SLC31A1: variants seen among roughly 807,000 people sequenced by gnomAD.
SLC31A1 encodes the protein solute carrier family 31 member 1.
In SLC31A1, 5 loss-of-function variants were observed where a neutral mutation model predicts 17.2. The observed-to-expected ratio is 0.29, with a 90% CI of 0.15 to 0.61. The LOEUF is 0.61. SLC31A1 is among the 20% of genes least tolerant of loss of function. The pLI is 0.86. For synonymous variants in SLC31A1, 76 were observed against 78.8 expected (o/e 0.96, Z 0.19); for missense variants, 161 against 241.4 (o/e 0.67, Z 2.21).
At chr9:113,255,080 A>G (rs747014118) in intron 1 of SLC31A1, among the ~76,000 whole-genome samples, 4 of 152,302 alleles carry the variant, frequency 2.6e-5, no homozygotes, top group Middle Eastern at 3.4e-3. Flanking sequence ...ATGTCCTGGT[A>G]GGATTGAAAT....
chr9:113,232,943 G>T (rs1289219576), intron 1 of SLC31A1, among the ~76,000 whole-genome samples: 2 of 152,168 alleles, frequency 1.3e-5, no homozygotes, highest in Non-Finnish European at 2.9e-5. Context: ...ACCATATATA[G>T]AGAGAACAGT....
intron 1 of SLC31A1, among the ~76,000 whole-genome samples, chr9:113,253,958 C>CTTTTTTTTTT (rs397967653): frequency 6.3e-5 from 7 of 110,402 alleles, no homozygotes; most frequent in African/African-American, 1.8e-4. Flanking sequence ...TACCCACAGT[C>CTTTTTTTTTT]TTTTTTTTTT....
chr9:113,260,578 C>G lies in SLC31A1; in HGVS notation c.*105C>G. The stretch of plus-strand genomic sequence containing the variant: ...ATCCCTTCTTGCTCCTCTTTGTGCA[C>G]GTACACACACACACACACACACACA... On this transcript the variant is annotated 3_prime_UTR_variant, in exon 5 of 5. Transcript: ENST00000374212. 1.3e-6 allele frequency: 1 copy of G among 748,084 alleles called. No individual in the cohort carries two copies. Among genetic ancestry groups the G allele is most frequent in the Non-Finnish European group, 2.3e-6 (1 of 443,102 alleles). The allele number at this position is 748,084 out of a possible 1,614,324, so 46.3% of individuals were successfully genotyped here. A position where few individuals can be genotyped will look rare whatever the true frequency, so the allele number is the denominator to read the frequency against.
chr9:113,252,855 A>T (rs748244463), intron 1 of SLC31A1, among the ~76,000 whole-genome samples: 23 of 151,742 alleles, frequency 1.5e-4, no homozygotes, highest in Non-Finnish European at 2.8e-4. Context: ...TCAGACTCTC[A>T]TTGGAAGAGA....
rs1045306779 is a variant in SLC31A1, at chr9:113,228,859, C to G, written c.-36+7181C>G. ...TGGATTTGATGATACTTTTTTTTTT[C>G]TTTTGAGTTGGAGTTTCGCTCTTGT... On this transcript the variant is annotated intron_variant, in intron 1 of 4. Coordinates refer to ENST00000374212, the MANE Select transcript of SLC31A1 (RefSeq NM_001859.4). Among the ~76,000 whole-genome samples, 6 of 149,684 alleles carry G rather than the reference C, an allele frequency of 4.0e-5. No homozygotes were observed. In the East Asian group the frequency reaches 1.2e-3, roughly 29 times the overall value.
intron 1 of SLC31A1, chr9:113,223,320 G>A (rs1831306478): frequency 5.3e-6 from 2 of 374,086 alleles, no homozygotes; most frequent in African/African-American, 2.4e-5. Flanking sequence ...GCAGGACTGG[G>A]TGCACCTAAA....
intron 1 of SLC31A1, among the ~76,000 whole-genome samples, chr9:113,224,553 C>T (rs574915485): frequency 8.5e-5 from 13 of 152,092 alleles, no homozygotes; most frequent in Admixed American, 2.0e-4. Context: ...CTCACCCTCC[C>T]GAGTAGCTGG....
At chr9:113,231,636 G>A (rs1206091130) in intron 1 of SLC31A1, among the ~76,000 whole-genome samples, 3 of 151,962 alleles carry the variant, frequency 2.0e-5, no homozygotes, top group Admixed American at 2.0e-4. Context: ...GGCACACCTG[G>A]TAGGAACAGC....
chr9:113,222,017 C>T (rs1200351845), intron 1 of SLC31A1, among the ~76,000 whole-genome samples: 1 of 152,062 alleles, frequency 6.6e-6, no homozygotes, highest in Non-Finnish European at 1.5e-5. Flanking sequence ...GATAGGGAGA[C>T]GAAGGAACTA....
Position 113,243,288 on chromosome 9 carries a change from T to G in SLC31A1, c.-35-12826T>G, listed in dbSNP as rs567003588. Among the ~76,000 whole-genome samples the G allele has an allele frequency of 7.9e-5, 12 of 152,360 alleles. No individual in the cohort carries two copies. The East Asian group carries it at 2.3e-3, about 29-fold the overall frequency. ...AATTACATGGTCCATTCATGTTTAC[T>G]CAGAAGACATAGGTGACCTAGGGAT... On this transcript the variant is annotated intron_variant, in intron 1 of 4. Transcript: ENST00000374212.
chr9:113,255,785 C>A (rs1831720192), intron 1 of SLC31A1: 1 of 172,100 alleles, frequency 5.8e-6, no homozygotes, highest in African/African-American at 2.4e-5. Context: ...AGCACGAGTT[C>A]TTTCTCTCTC....
At chr9:113,251,422 A>G (rs1831651299) in intron 1 of SLC31A1, among the ~76,000 whole-genome samples, 1 of 132,978 alleles carries the variant, frequency 7.5e-6, no homozygotes, top group Admixed American at 7.5e-5. Context: ...ACTCTATCTA[A>G]AAAAATAAAA....
intron 1 of SLC31A1, among the ~76,000 whole-genome samples, chr9:113,238,032 G>T (rs1831482063): frequency 1.3e-5 from 2 of 152,062 alleles, no homozygotes; most frequent in South Asian, 4.1e-4. Flanking sequence ...TTACATATAT[G>T]GTCTTTTCTC....
chr9:113,239,051 T>A (rs1474241541), intron 1 of SLC31A1, among the ~76,000 whole-genome samples: 1 of 152,200 alleles, frequency 6.6e-6, no homozygotes, highest in Non-Finnish European at 1.5e-5. Flanking sequence ...ACACGATCCC[T>A]GTAGCAATCT....
chr9:113,223,105 G>T (rs1831302587), intron 1 of SLC31A1: 2 of 247,238 alleles, frequency 8.1e-6, no homozygotes, highest in Non-Finnish European at 1.7e-5. Context: ...CTCTTATCTT[G>T]TATTCTTGGG....
intron 1 of SLC31A1, among the ~76,000 whole-genome samples, chr9:113,251,416 T>A (rs752151224): frequency 1.3e-5 from 2 of 151,580 alleles, no homozygotes; most frequent in Admixed American, 6.6e-5. Flanking sequence ...AGTGAGACTC[T>A]ATCTAAAAAA....
chr9:113,246,651 G>A (rs1036375742), intron 1 of SLC31A1, among the ~76,000 whole-genome samples: 3 of 147,654 alleles, frequency 2.0e-5, no homozygotes, highest in Admixed American at 6.8e-5. Flanking sequence ...GCACGCGGCC[G>A]ATAATTTTTA....
At chr9:113,237,728 ATTCTT>A (rs898171220) in intron 1 of SLC31A1, among the ~76,000 whole-genome samples, 17 of 152,294 alleles carry the variant, frequency 1.1e-4, no homozygotes, top group African/African-American at 3.8e-4. Flanking sequence ...ATCTAGGCCT[ATTCTT>A]TTAAGTGGAG....
At chr9:113,241,441 G>T (rs1485221068) in intron 1 of SLC31A1, among the ~76,000 whole-genome samples, 20 of 152,146 alleles carry the variant, frequency 1.3e-4, no homozygotes, top group Admixed American at 1.3e-3. Context: ...AGAGAACTTT[G>T]CTTCCTTATA....
Sources: allele counts gnomAD v4.1 joint callset (sites outside exome capture counted in the v4.1 genomes callset), GRCh38; gene constraint gnomAD v4.1.1; transcripts MANE v1.5; gene names NCBI Gene and HGNC (gene_info 2026-07-23, HGNC 2026-07-21).